Variants in L3MBTL3 observed in about 807,000 individuals in gnomAD.
The protein encoded by L3MBTL3 is L3MBTL histone methyl-lysine binding protein 3, also known as lethal(3)malignant brain tumor-like protein 3.
L3MBTL3 carries 27 observed loss-of-function variants against 102.3 expected under a neutral mutation model. The ratio of observed to expected loss-of-function variants is 0.26; its 90% CI spans 0.19 to 0.36. The LOEUF is 0.36. Ranked by LOEUF, L3MBTL3 falls within the 10% of genes least tolerant of loss-of-function variation. L3MBTL3 has a pLI of 1.00. For missense variants in L3MBTL3, 798 were observed against 955.3 expected, an observed-to-expected ratio of 0.84 and a Z score of 2.17; for synonymous variants, 340 against 320.9, an observed-to-expected ratio of 1.06 and a Z score of -0.64.
At chr6:130,043,441 T>G (rs1780549872) in intron 3 of L3MBTL3, among the ~76,000 whole-genome samples, 1 of 152,134 alleles carries the variant, frequency 6.6e-6, no homozygotes, top group African/African-American at 2.4e-5. Context: ...CCAAACCTAT[T>G]CCAGGACCAC....
intron 19 of L3MBTL3, among the ~76,000 whole-genome samples, chr6:130,115,558 T>C (rs1785615483): frequency 6.6e-6 from 1 of 152,228 alleles, no homozygotes; most frequent in Non-Finnish European, 1.5e-5. Context: ...CATATTCAAC[T>C]GCCATCCTAT....
intron 18 of L3MBTL3, among the ~76,000 whole-genome samples, chr6:130,102,295 T>C (rs1250407128): frequency 6.6e-6 from 1 of 152,184 alleles, no homozygotes; most frequent in African/African-American, 2.4e-5. Flanking sequence ...ACGTCATACC[T>C]TTACTCTTGA....
intron 15 of L3MBTL3, 63 bp downstream of exon 15, chr6:130,083,768 C>T: frequency 2.4e-6 from 2 of 840,132 alleles, no homozygotes; most frequent in Non-Finnish European, 3.9e-6. Context: ...AATTGAAGAA[C>T]AGAACAAGAT....
At chr6:130,132,651 C>CTT (rs1334200267) in intron 20 of L3MBTL3, among the ~76,000 whole-genome samples, 2 of 152,162 alleles carry the variant, frequency 1.3e-5, no homozygotes, top group Non-Finnish European at 2.9e-5. Flanking sequence ...ATTGACAGCT[C>CTT]TAAGTCAAGC....
intron 2 of L3MBTL3, among the ~76,000 whole-genome samples, chr6:130,034,085 T>G (rs1779895353): frequency 6.6e-6 from 1 of 152,212 alleles, no homozygotes; most frequent in South Asian, 2.1e-4. Flanking sequence ...GCAGCCTCTT[T>G]ATTTTGAATA....
intron 20 of L3MBTL3, among the ~76,000 whole-genome samples, chr6:130,122,058 T>C (rs183956012): frequency 6.2e-4 from 95 of 152,284 alleles, no homozygotes; most frequent in African/African-American, 2.2e-3. Context: ...GCAATGAAGT[T>C]GTAATAACTG....
At chr6:130,092,880 GTATAAATGTTT>G (rs746970385) in intron 17 of L3MBTL3, 21 bp downstream of exon 17, 2 of 1,387,182 alleles carry the variant, frequency 1.4e-6, no homozygotes, top group South Asian at 2.3e-5. Flanking sequence ...CGAATAGCTT[GTATAAATGTTT>G]CCATTTCCAT....
At chr6:130,051,714 A>G (rs915399631) in intron 6 of L3MBTL3, among the ~76,000 whole-genome samples, 2 of 152,208 alleles carry the variant, frequency 1.3e-5, no homozygotes, top group South Asian at 2.1e-4. Context: ...TCTGGGCTAT[A>G]TACACATTTC....
intron 22 of L3MBTL3, chr6:130,137,536 T>A (rs995021463): frequency 3.9e-5 from 6 of 152,152 alleles, no homozygotes; most frequent in African/African-American, 1.2e-4. Context: ...TATGTAACCT[T>A]ATAAATAACA....
intron 16 of L3MBTL3, among the ~76,000 whole-genome samples, chr6:130,086,787 T>C (rs755303617): frequency 1.4e-4 from 22 of 151,892 alleles, no homozygotes; most frequent in Non-Finnish European, 2.5e-4. Context: ...TGAAGTGGAG[T>C]TCAGGAAAGG....
rs1781078270 is a variant in L3MBTL3 at position 130,051,322 on chromosome 6, G to A, written c.363G>A (p.Glu121=). The change falls in exon 6 of 23, where the codon GAG becomes GAA. Residue 121 remains glutamate, a synonymous_variant. Coordinates refer to ENST00000361794, the MANE Select transcript of L3MBTL3 (RefSeq NM_032438.4). ...AAGTAGAAGGGCTTCAGTTCTGTGAGAACTGTTGTCAGTATGGCAACGTAG... is the reference window on the plus strand; with the variant it reads ...AAGTAGAAGGGCTTCAGTTCTGTGAAAACTGTTGTCAGTATGGCAACGTAG... The part of the protein sequence containing the change: ...PVKVEGLQFC[E]NCCQYGNVDE... 1 of 1,613,758 alleles carries A rather than the reference G, an allele frequency of 6.2e-7. No homozygotes were observed. The highest frequency in any genetic ancestry group is 1.1e-5 in the South Asian group (1 of 91,080).
At chr6:130,040,786 C>T (rs1780370436) in intron 2 of L3MBTL3, among the ~76,000 whole-genome samples, 1 of 152,172 alleles carries the variant, frequency 6.6e-6, no homozygotes, top group African/African-American at 2.4e-5. Context: ...ATCCATGGTA[C>T]TTTGGCATGT....
intron 20 of L3MBTL3, among the ~76,000 whole-genome samples, chr6:130,121,363 A>T (rs1786180600): frequency 6.6e-6 from 1 of 152,162 alleles, no homozygotes; most frequent in Non-Finnish European, 1.5e-5. Context: ...TGCTGAGAGT[A>T]ATAGCCTCCA....
intron 20 of L3MBTL3, among the ~76,000 whole-genome samples, chr6:130,131,128 T>C (rs957871660): frequency 6.6e-6 from 1 of 152,218 alleles, no homozygotes; most frequent in African/African-American, 2.4e-5. Context: ...CTTCATGGAT[T>C]GGAAGACTCA....
intron 4 of L3MBTL3, 65 bp downstream of exon 4, chr6:130,049,458 GT>G: frequency 1.8e-6 from 2 of 1,099,166 alleles, no homozygotes; most frequent in Non-Finnish European, 2.6e-6. Flanking sequence ...AATATCTAAA[GT>G]TTTATAATAG....
intron 2 of L3MBTL3, among the ~76,000 whole-genome samples, chr6:130,023,639 T>C (rs1402532451): frequency 6.6e-6 from 1 of 152,202 alleles, no homozygotes; most frequent in Non-Finnish European, 1.5e-5. Context: ...GGAACAGCAA[T>C]ACTTGCCTTG....
At chr6:130,025,956 A>G (rs533515649) in intron 2 of L3MBTL3, among the ~76,000 whole-genome samples, 1 of 152,278 alleles carries the variant, frequency 6.6e-6, no homozygotes, top group East Asian at 1.9e-4. Flanking sequence ...GAGATAACCC[A>G]TACACATACG....
intron 2 of L3MBTL3, among the ~76,000 whole-genome samples, chr6:130,036,601 A>G (rs140416780): frequency 1.5e-3 from 226 of 152,300 alleles, no homozygotes; most frequent in Admixed American, 3.3e-3. Flanking sequence ...GCTACTTTCT[A>G]TTCCTCCTGT....
chr6:130,033,582 C>T (rs1467043130), intron 2 of L3MBTL3, among the ~76,000 whole-genome samples: 1 of 152,164 alleles, frequency 6.6e-6, no homozygotes, highest in Non-Finnish European at 1.5e-5. Flanking sequence ...GCCCTTTTAA[C>T]CAAAAACTGG....
Sources: gnomAD v4.1 joint callset for allele counts (sites outside exome capture counted in the v4.1 genomes callset) on GRCh38, gnomAD v4.1.1 for gene constraint, MANE v1.5 for transcripts, NCBI Gene and HGNC (gene_info 2026-07-23, HGNC 2026-07-21) for gene names.